UBE4B: variants seen among roughly 807,000 people sequenced by gnomAD.
UBE4B encodes ubiquitination factor E4B, also known as ubiquitin conjugation factor E4 B.
In UBE4B, 27 loss-of-function variants were observed where a neutral mutation model predicts 148.1. The ratio of observed to expected loss-of-function variants is 0.18; its 90% CI spans 0.13 to 0.25. The LOEUF (loss-of-function observed/expected upper bound fraction) is 0.25. Among genes scored for constraint, UBE4B ranks in the 10% least tolerant of loss-of-function variants. The pLI is 1.00. For missense variants in UBE4B, 1,170 were observed against 1,662.4 expected, an observed-to-expected ratio of 0.70 and a Z score of 5.15; for synonymous variants, 596 against 619.3, an observed-to-expected ratio of 0.96 and a Z score of 0.56.
intron 1 of UBE4B, among the ~76,000 whole-genome samples, chr1:10,066,467 C>A (rs1180994995): frequency 6.6e-6 from 1 of 151,784 alleles, no homozygotes; most frequent in Non-Finnish European, 1.5e-5. Context: ...AATTTTAGAT[C>A]ACAGAGCTGT....
chr1:10,054,666 G>T, intron 1 of UBE4B: 1 of 265,770 alleles, frequency 3.8e-6, no homozygotes. Flanking sequence ...TTACTACAAT[G>T]CCAGCAGCAT....
chr1:10,178,589 G>C, intron 25 of UBE4B, 55 bp from the exon 26 acceptor site: 1 of 1,504,772 alleles, frequency 6.6e-7, no homozygotes, highest in Non-Finnish European at 8.9e-7. Flanking sequence ...TCTGCAGCTC[G>C]CTTTTTTCCA....
chr1:10,117,662 C>T (rs80192267), intron 8 of UBE4B, 62 bp downstream of exon 8: 6 of 1,488,876 alleles, frequency 4.0e-6, no homozygotes, highest in African/African-American at 1.4e-5. Context: ...ATTATCCCCA[C>T]CCCTGGAGCA....
intron 1 of UBE4B, among the ~76,000 whole-genome samples, chr1:10,069,621 G>A (rs1195856242): frequency 5.3e-5 from 8 of 152,052 alleles, no homozygotes; most frequent in East Asian, 1.9e-4. Context: ...TGCAACCTCC[G>A]CCTCCCAGGT....
intron 17 of UBE4B, among the ~76,000 whole-genome samples, chr1:10,143,930 T>C (rs35316894): frequency 0.3 from 45,456 of 152,114 alleles, 11,329 homozygotes; most frequent in African/African-American, 0.69. Flanking sequence ...CAGTACTCAC[T>C]CTGCCTTCAG....
intron 25 of UBE4B, among the ~76,000 whole-genome samples, chr1:10,175,528 G>A (rs1357332833): frequency 1.3e-5 from 2 of 151,846 alleles, no homozygotes; most frequent in Non-Finnish European, 2.9e-5. Context: ...GCGGGCGCCC[G>A]TAGACCCAGC....
At chr1:10,109,640 G>T (rs996734810) in intron 7 of UBE4B, among the ~76,000 whole-genome samples, 3 of 151,602 alleles carry the variant, frequency 2.0e-5, no homozygotes, top group Non-Finnish European at 4.4e-5. Flanking sequence ...AGATGAGCTA[G>T]CAAAAAACCT....
chr1:10,107,256 G>A (rs940057417), intron 7 of UBE4B: 7 of 1,289,306 alleles, frequency 5.4e-6, no homozygotes, highest in Non-Finnish European at 6.1e-6. Context: ...CCTCTTCCTC[G>A]CACTTTCTGG....
At chr1:10,036,847 G>A (rs1018502919) in intron 1 of UBE4B, among the ~76,000 whole-genome samples, 9 of 151,994 alleles carry the variant, frequency 5.9e-5, no homozygotes, top group African/African-American at 1.9e-4. Context: ...CAGGCAAGGC[G>A]GTGATCTTTT....
In UBE4B at chr1:10,058,215, T is replaced by C. The variant is rs143096233; in HGVS notation, c.25-13813T>C. 4.5e-4 allele frequency among the ~76,000 whole-genome samples: 68 copies of C among 152,330 alleles called. No homozygotes were observed. In the East Asian group the frequency reaches 0.012, roughly 27 times the overall value. The stretch of plus-strand genomic sequence containing the variant: ...GTCATGATATTCTTTGGAGAAGAAA[T>C]GTGGTTAATCAATCAAGCTTTTTGT... On this transcript the variant is annotated intron_variant, in intron 1 of 27. Transcript: ENST00000343090.
At chr1:10,083,492 T>A (rs79980202) in intron 2 of UBE4B, among the ~76,000 whole-genome samples, 1,991 of 152,356 alleles carry the variant, frequency 0.013, 38 homozygotes, top group African/African-American at 0.045. Flanking sequence ...TGTCTTTGGC[T>A]AAGAATGCTA....
At position 10,059,543 on chromosome 1, in the gene UBE4B, T is replaced by C. The variant is rs1460483322; in HGVS notation, c.25-12485T>C. On this transcript the variant is annotated intron_variant, in intron 1 of 27. Coordinates refer to ENST00000343090, the MANE Select transcript of UBE4B (RefSeq NM_001105562.3). ...AGCCTGCCCACTGGTATTCCCATTG[T>C]CTATGAATTGAACAGGAGGAGCTTG... 1.4e-5 allele frequency: 3 copies of C among 217,142 alleles called. No homozygotes were observed. The East Asian group carries it at 3.3e-4, about 24-fold the overall frequency. The allele number at this position is 217,142 out of a possible 1,614,324, so 13.5% of individuals were successfully genotyped here. A position where few individuals can be genotyped will look rare whatever the true frequency, so the allele number is the denominator to read the frequency against.
At chr1:10,088,867 T>TG (rs1301121511) in intron 2 of UBE4B, among the ~76,000 whole-genome samples, 1 of 151,322 alleles carries the variant, frequency 6.6e-6, no homozygotes, top group African/African-American at 2.4e-5. Context: ...TTTGTAGAGA[T>TG]GGGGTCTCTC....
At chr1:10,054,400 AT>A in intron 1 of UBE4B, 1 of 242,628 alleles carries the variant, frequency 4.1e-6, no homozygotes, top group African/African-American at 2.3e-5. Context: ...GAAGAGAAAC[AT>A]TTTGACAGTT....
At chr1:10,143,048 C>T (rs1187445497) in intron 17 of UBE4B, among the ~76,000 whole-genome samples, 2 of 152,132 alleles carry the variant, frequency 1.3e-5, no homozygotes, top group African/African-American at 2.4e-5. Context: ...GTAGAGGTTG[C>T]AATGAGCTGA....
chr1:10,068,538 A>G (rs1364147485), intron 1 of UBE4B, among the ~76,000 whole-genome samples: 1 of 150,966 alleles, frequency 6.6e-6, no homozygotes, highest in South Asian at 2.1e-4. Flanking sequence ...TTTAGTAGAG[A>G]TGGGGTTTCC....
chr1:10,121,960 A>G lies in UBE4B; in HGVS notation c.1440-2A>G. On this transcript the variant is annotated splice_acceptor_variant, in intron 9 of 27. Coordinates refer to ENST00000343090, the MANE Select transcript of UBE4B (RefSeq NM_001105562.3). LOFTEE classifies it high-confidence loss of function. Reference sequence around the variant, plus strand: ...CCGTCCCTAATGTTCATGGGTCCACAGGTCCTTGCAGCAGCCGTCCTTCCT... The same window carrying G: ...CCGTCCCTAATGTTCATGGGTCCACGGGTCCTTGCAGCAGCCGTCCTTCCT... 6.2e-7 allele frequency: 1 copy of G among 1,608,562 alleles called. No homozygotes were observed.
chr1:10,104,854 A>G (rs1406011078), intron 5 of UBE4B, among the ~76,000 whole-genome samples: 1 of 152,238 alleles, frequency 6.6e-6, no homozygotes, highest in Non-Finnish European at 1.5e-5. Flanking sequence ...TGTAAGTGGC[A>G]ATTTTAAATA....
intron 1 of UBE4B, among the ~76,000 whole-genome samples, chr1:10,038,741 G>A: frequency 6.6e-6 from 1 of 152,160 alleles, no homozygotes; most frequent in Admixed American, 6.6e-5. Context: ...GATGTGATCA[G>A]GGCTTTTGGT....
Sources: gnomAD v4.1 joint callset for allele counts (sites outside exome capture counted in the v4.1 genomes callset) on GRCh38, gnomAD v4.1.1 for gene constraint, MANE v1.5 for transcripts, NCBI Gene and HGNC (gene_info 2026-07-23, HGNC 2026-07-21) for gene names.